The following CLEC2A variants were observed in gnomAD, a reference collection of about 807,000 sequenced individuals.
CLEC2A encodes C-type lectin domain family 2 member A.
In CLEC2A, 19 loss-of-function variants were observed where a neutral mutation model predicts 18.6. That is an observed-to-expected ratio of 1.02 (90% CI 0.71 to 1.50). The LOEUF (loss-of-function observed/expected upper bound fraction) is 1.50. CLEC2A is among the 40% of genes most tolerant of loss of function. The pLI, the probability that CLEC2A is intolerant of heterozygous loss-of-function variation, is 0.00. For synonymous variants in CLEC2A, 74 were observed against 64.0 expected, an observed-to-expected ratio of 1.16 and a Z score of -0.75; for missense variants, 190 against 207.9, an observed-to-expected ratio of 0.91 and a Z score of 0.53.
At chr12:9,927,692 G>A (rs547825040) in intron 1 of CLEC2A, among the ~76,000 whole-genome samples, 2 of 152,142 alleles carry the variant, frequency 1.3e-5, no homozygotes, top group African/African-American at 4.8e-5. Flanking sequence ...CAGATAATGT[G>A]CAATAAAGTA....
downstream of CLEC2A, among the ~76,000 whole-genome samples, chr12:9,911,418 A>G (rs11053509): frequency 0.41 from 62,227 of 151,972 alleles, 14,178 homozygotes; most frequent in Non-Finnish European, 0.52. Context: ...GCATGAATTA[A>G]TGGTGTGATT....
rs149126772 is a variant in CLEC2A at position 9,928,397 on chromosome 12, C to T, written c.56-2054G>A. Among the ~76,000 whole-genome samples, 418 of 151,990 alleles carry T rather than the reference C, an allele frequency of 2.8e-3. 4 individuals are homozygous for T. Among genetic ancestry groups the T allele is most frequent in the African/African-American group, 9.2e-3 (383 of 41,456 alleles). On this transcript the variant is annotated intron_variant, in intron 1 of 4. Transcript: ENST00000455827. ...CAGGAGAATACTTGAACCCAGGAGG[C>T]GGAGGCTGCAGTGATCAGAATTATG...
intron 1 of CLEC2A, among the ~76,000 whole-genome samples, chr12:9,927,223 A>G (rs528004882): frequency 6.6e-6 from 1 of 152,230 alleles, no homozygotes; most frequent in African/African-American, 2.4e-5. Flanking sequence ...ACAAAACTGG[A>G]TAGCATGTTA....
chr12:9,925,061 C>T (rs537864673), intron 2 of CLEC2A, among the ~76,000 whole-genome samples: 4 of 152,312 alleles, frequency 2.6e-5, no homozygotes, highest in African/African-American at 9.6e-5. Flanking sequence ...ACCTCTTTGC[C>T]TTGCCACATT....
At chr12:9,902,618 T>TTCGC (rs749062115) in intron 4 of CLEC2A, among the ~76,000 whole-genome samples, 1 of 151,188 alleles carries the variant, frequency 6.6e-6, no homozygotes, top group Non-Finnish European at 1.5e-5. Context: ...GCTTTGTTCT[T>TTCGC]TCGCTCTTTG....
downstream of CLEC2A, among the ~76,000 whole-genome samples, chr12:9,896,640 C>A (rs543608617): frequency 6.6e-6 from 1 of 151,920 alleles, no homozygotes; most frequent in East Asian, 1.9e-4. Context: ...ATTTTTAATA[C>A]ATGTCTTTAT....
chr12:9,923,587 C>T (rs1482038530), intron 2 of CLEC2A, among the ~76,000 whole-genome samples: 1 of 152,020 alleles, frequency 6.6e-6, no homozygotes, highest in Non-Finnish European at 1.5e-5. Flanking sequence ...GGTATATACC[C>T]GAAGGATTAT....
At chr12:9,884,384 T>A in the CLEC2A span, among the ~76,000 whole-genome samples, 358 of 151,822 alleles carry the variant, frequency 2.4e-3, 3 homozygotes, top group African/African-American at 8.1e-3. Context: ...ATATTACAGG[T>A]GTAAGGTGAA....
downstream of CLEC2A, among the ~76,000 whole-genome samples, chr12:9,908,681 G>T (rs145769273): frequency 1.5e-3 from 227 of 152,234 alleles, no homozygotes; most frequent in African/African-American, 5.3e-3. Flanking sequence ...TTTTTCCCAT[G>T]CGGGACATTC....
chr12:9,910,221 T>G (rs1278770630), downstream of CLEC2A, among the ~76,000 whole-genome samples: 1 of 152,202 alleles, frequency 6.6e-6, no homozygotes, highest in Non-Finnish European at 1.5e-5. Context: ...TTGGTTCTTT[T>G]ATTATCTTAC....
At chr12:9,879,314 A>G in the CLEC2A span, among the ~76,000 whole-genome samples, 3 of 152,216 alleles carry the variant, frequency 2.0e-5, no homozygotes, top group Admixed American at 6.5e-5. Flanking sequence ...CCATATAGTT[A>G]GTAGGCAAAG....
chr12:9,886,883 G>C, the CLEC2A span, among the ~76,000 whole-genome samples: 1 of 151,828 alleles, frequency 6.6e-6, no homozygotes. Flanking sequence ...ATACCCACTT[G>C]TTTTGGTTTT....
chr12:9,916,420 G>A (rs965855938), intron 4 of CLEC2A, among the ~76,000 whole-genome samples: 1 of 151,886 alleles, frequency 6.6e-6, no homozygotes. Flanking sequence ...TAGCAAAAGA[G>A]AACTAATTGT....
exon 5 of CLEC2A, chr12:9,898,808 G>A (rs1435401069): frequency 1.6e-5 from 10 of 613,106 alleles, no homozygotes; most frequent in African/African-American, 9.1e-5. Flanking sequence ...TCTAACTGCC[G>A]TTATATTAAG....
At chr12:9,879,275 T>C in the CLEC2A span, among the ~76,000 whole-genome samples, 9 of 152,212 alleles carry the variant, frequency 5.9e-5, no homozygotes, top group Admixed American at 2.0e-4. Flanking sequence ...GAGAGGAGAT[T>C]CATTGTGTCT....
downstream of CLEC2A, among the ~76,000 whole-genome samples, chr12:9,910,204 T>C (rs1233572710): frequency 6.6e-6 from 1 of 152,176 alleles, no homozygotes; most frequent in Non-Finnish European, 1.5e-5. Context: ...GCTGCTTTCT[T>C]TTATGTTTGG....
intron 4 of CLEC2A, among the ~76,000 whole-genome samples, chr12:9,900,264 C>T (rs753268030): frequency 2.6e-5 from 4 of 152,212 alleles, no homozygotes; most frequent in African/African-American, 4.8e-5. Context: ...CTTGTTCTTT[C>T]TGACCTGAAG....
chr12:9,930,725 T>A (rs1863360459), intron 1 of CLEC2A, among the ~76,000 whole-genome samples: 1 of 152,100 alleles, frequency 6.6e-6, no homozygotes, highest in Non-Finnish European at 1.5e-5. Flanking sequence ...ATATTTCCTA[T>A]CCGCTATTCT....
the CLEC2A span, among the ~76,000 whole-genome samples, chr12:9,886,763 C>CAAAAAAAAAAA: frequency 9.7e-6 from 1 of 103,516 alleles, no homozygotes. Flanking sequence ...CTATATCATG[C>CAAAAAAAAAAA]AAAAAAAAAA....
Sources: gnomAD v4.1 joint callset for allele counts (sites outside exome capture counted in the v4.1 genomes callset) on GRCh38, gnomAD v4.1.1 for gene constraint, MANE v1.5 for transcripts, NCBI Gene and HGNC (gene_info 2026-07-23, HGNC 2026-07-21) for gene names.